LARP4: variants seen among roughly 807,000 people sequenced by gnomAD.
LARP4 encodes La ribonucleoprotein 4, also known as la-related protein 4.
LARP4 carries 29 observed loss-of-function variants against 92.9 expected under a neutral mutation model. The ratio of observed to expected loss-of-function variants is 0.31; its 90% CI spans 0.23 to 0.43. The LOEUF is 0.43. Among genes scored for constraint, LARP4 ranks in the 20% least tolerant of loss-of-function variants. LARP4 has a pLI of 1.00. For synonymous variants in LARP4, 279 were observed against 284.1 expected (o/e 0.98, Z 0.18); for missense variants, 732 against 860.0 (o/e 0.85, Z 1.86).
intron 10 of LARP4, among the ~76,000 whole-genome samples, chr12:50,460,408 G>C (rs899861835): frequency 6.6e-6 from 1 of 152,130 alleles, no homozygotes; most frequent in Admixed American, 6.5e-5. Context: ...GCTCGCTGCA[G>C]CCTCAAACTC....
At chr12:50,474,682 T>C (rs1957356677) in intron 15 of LARP4, among the ~76,000 whole-genome samples, 1 of 152,180 alleles carries the variant, frequency 6.6e-6, no homozygotes, top group African/African-American at 2.4e-5. Flanking sequence ...TTTCTGTTCA[T>C]ATGGTTAAGT....
intron 1 of LARP4, among the ~76,000 whole-genome samples, chr12:50,409,676 A>G (rs909476770): frequency 6.6e-5 from 10 of 151,956 alleles, no homozygotes; most frequent in African/African-American, 2.2e-4. Context: ...GAGGCAGGAG[A>G]ATGGCTTGAA....
At chr12:50,417,319 G>A (rs1394341835) in intron 1 of LARP4, among the ~76,000 whole-genome samples, 1 of 150,536 alleles carries the variant, frequency 6.6e-6, no homozygotes, top group Non-Finnish European at 1.5e-5. Flanking sequence ...AGGATGCAGT[G>A]AGCCGAGATC....
At chr12:50,427,990 T>TCA in intron 2 of LARP4, 81 bp downstream of exon 2, 9 of 466,452 alleles carry the variant, frequency 1.9e-5, no homozygotes, top group Non-Finnish European at 2.5e-5. Context: ...TTGAGACACA[T>TCA]CTCTTTTTTT....
intron 11 of LARP4, among the ~76,000 whole-genome samples, chr12:50,461,705 C>T (rs1320295174): frequency 1.3e-5 from 2 of 152,164 alleles, no homozygotes; most frequent in East Asian, 3.9e-4. Context: ...ACCTGTAATC[C>T]CAACACTTTG....
chr12:50,458,699 C>T (rs1198460795), intron 10 of LARP4, among the ~76,000 whole-genome samples: 2 of 152,186 alleles, frequency 1.3e-5, no homozygotes, highest in Non-Finnish European at 2.9e-5. Context: ...ATCCAAGATC[C>T]TCAGTTGCTT....
intron 8 of LARP4, among the ~76,000 whole-genome samples, chr12:50,450,371 G>C (rs1246248122): frequency 6.6e-6 from 1 of 152,088 alleles, no homozygotes; most frequent in East Asian, 1.9e-4. Context: ...GTATTTTGTG[G>C]ACCACTGCCT....
chr12:50,436,352 T>G (rs1182534278), intron 5 of LARP4, among the ~76,000 whole-genome samples: 6 of 152,060 alleles, frequency 3.9e-5, no homozygotes, highest in Non-Finnish European at 5.9e-5. Context: ...GCACCTTGGT[T>G]GTTTATCATC....
intron 10 of LARP4, among the ~76,000 whole-genome samples, chr12:50,459,394 C>T (rs1047051716): frequency 2.6e-5 from 4 of 152,112 alleles, no homozygotes; most frequent in African/African-American, 9.7e-5. Flanking sequence ...TAGTTTCTGC[C>T]TGTGAAAATT....
intron 1 of LARP4, among the ~76,000 whole-genome samples, chr12:50,405,631 T>G (rs1324118786): frequency 6.6e-6 from 1 of 152,012 alleles, no homozygotes; most frequent in African/African-American, 2.4e-5. Flanking sequence ...GGTTTTGCTT[T>G]TTTGCTCAAG....
chr12:50,444,842 A>G lies in LARP4; in HGVS notation c.804+3199A>G, dbSNP rs190368308. On this transcript the variant is annotated intron_variant, in intron 8 of 15. Coordinates refer to ENST00000398473, the MANE Select transcript of LARP4 (RefSeq NM_052879.5). ...GTTCCTTTCAGCCTAAGGAACTTCC[A>G]TTGGTGTTTGTTACAGTACCAACCA... is the stretch of plus-strand genomic sequence containing the variant. 7.9e-5 allele frequency among the ~76,000 whole-genome samples: 12 copies of G among 152,268 alleles called. No homozygotes were observed. In the East Asian group the frequency reaches 1.9e-3, roughly 24 times the overall value.
chr12:50,449,796 A>G (rs965263476), intron 8 of LARP4, among the ~76,000 whole-genome samples: 4 of 151,722 alleles, frequency 2.6e-5, no homozygotes, highest in Admixed American at 2.6e-4. Flanking sequence ...AAAAGTGTTG[A>G]TTTTTTAGCC....
At chr12:50,406,838 T>C (rs1043141701) in intron 1 of LARP4, among the ~76,000 whole-genome samples, 3 of 151,172 alleles carry the variant, frequency 2.0e-5, no homozygotes, top group African/African-American at 7.3e-5. Context: ...CACCTCAACC[T>C]CCCCAGTATA....
intron 1 of LARP4, among the ~76,000 whole-genome samples, chr12:50,408,370 T>C (rs1945233703): frequency 6.6e-6 from 1 of 151,900 alleles, no homozygotes; most frequent in African/African-American, 2.4e-5. Flanking sequence ...GCTAATTTTG[T>C]ATTTTTAGTA....
At chr12:50,455,979 G>A (rs145420139) in intron 10 of LARP4, among the ~76,000 whole-genome samples, 1 of 152,114 alleles carries the variant, frequency 6.6e-6, no homozygotes, top group Non-Finnish European at 1.5e-5. Flanking sequence ...TTGAGCCTGA[G>A]AAGCACAGGT....
At chr12:50,472,523 A>C (rs1422047815) in intron 13 of LARP4, among the ~76,000 whole-genome samples, 1 of 151,786 alleles carries the variant, frequency 6.6e-6, no homozygotes, top group African/African-American at 2.4e-5. Context: ...GTAGCCTACA[A>C]ACTTTTTTTT....
At position 50,441,663 on chromosome 12, in the gene LARP4, G is replaced by T. The variant is rs78254121; in HGVS notation, c.804+20G>T. ...ATTATGGTAAGAAATAGAGATCAGTGTGAAACCAGAACAGGTTTTGGTTCT... is the reference window on the plus strand; with the variant it reads ...ATTATGGTAAGAAATAGAGATCAGTTTGAAACCAGAACAGGTTTTGGTTCT... On this transcript the variant is annotated intron_variant, in intron 8 of 15. Transcript: ENST00000398473. 7.0e-6 allele frequency: 11 copies of T among 1,562,722 alleles called. No homozygotes were observed. In the African/African-American group the frequency reaches 1.5e-4, roughly 21 times the overall value.
At chr12:50,468,901 G>A (rs545485673) in intron 13 of LARP4, among the ~76,000 whole-genome samples, 2 of 151,774 alleles carry the variant, frequency 1.3e-5, no homozygotes, top group East Asian at 3.9e-4. Flanking sequence ...TACTATGATT[G>A]TTTCTCCTTT....
chr12:50,448,649 T>A (rs983561389), intron 8 of LARP4, among the ~76,000 whole-genome samples: 8 of 151,914 alleles, frequency 5.3e-5, no homozygotes, highest in Admixed American at 4.6e-4. Context: ...TTCAGCCTCC[T>A]GAGTAGCTGG....
Sources: gnomAD v4.1 joint callset for allele counts (sites outside exome capture counted in the v4.1 genomes callset) on GRCh38, gnomAD v4.1.1 for gene constraint, MANE v1.5 for transcripts, NCBI Gene and HGNC (gene_info 2026-07-23, HGNC 2026-07-21) for gene names.